Variants in ABCC1 observed in about 807,000 individuals in gnomAD.
The protein encoded by ABCC1 is multidrug resistance-associated protein 1.
In ABCC1, 83 loss-of-function variants were observed where a neutral mutation model predicts 172.9. The ratio of observed to expected loss-of-function variants is 0.48; its 90% CI spans 0.40 to 0.58. ABCC1 has a LOEUF of 0.58. Among genes scored for constraint, ABCC1 ranks in the 20% least tolerant of loss-of-function variants. The probability of loss-of-function intolerance (pLI) is 0.00; values close to 1 mark genes in which losing one functional copy is unlikely to be tolerated. For synonymous variants in ABCC1, 937 were observed against 825.2 expected (o/e 1.14, Z -2.32); for missense variants, 1,817 against 2,002.7 (o/e 0.91, Z 1.77).
intron 1 of ABCC1, among the ~76,000 whole-genome samples, chr16:15,986,145 G>A (rs890486681): frequency 4.6e-5 from 7 of 150,750 alleles, no homozygotes; most frequent in Non-Finnish European, 8.9e-5. Flanking sequence ...ATGTTGGACA[G>A]GCTGGTCTTG....
intron 22 of ABCC1, among the ~76,000 whole-genome samples, chr16:16,114,080 C>A (rs922804405): frequency 6.6e-6 from 1 of 152,152 alleles, no homozygotes; most frequent in African/African-American, 2.4e-5. Context: ...TTGGGGACCC[C>A]TGGTCTAGAA....
chr16:15,989,779 C>T (rs1050966197), intron 1 of ABCC1, among the ~76,000 whole-genome samples: 2 of 152,148 alleles, frequency 1.3e-5, no homozygotes, highest in African/African-American at 4.8e-5. Flanking sequence ...CAGTACCTTC[C>T]TCATAGACTG....
intron 10 of ABCC1, among the ~76,000 whole-genome samples, chr16:16,050,693 G>T (rs955835419): frequency 7.8e-6 from 1 of 128,246 alleles, no homozygotes; most frequent in Admixed American, 9.9e-5. Flanking sequence ...AGGAGTTTGA[G>T]ACCAGCCTGG....
intron 5 of ABCC1, among the ~76,000 whole-genome samples, chr16:16,023,362 T>C (rs1290048014): frequency 1.3e-5 from 2 of 152,324 alleles, no homozygotes; most frequent in African/African-American, 2.4e-5. Context: ...TGATCTCAAG[T>C]TAGCATTTGA....
At chr16:16,074,733 C>G (rs1372944017) in intron 14 of ABCC1, among the ~76,000 whole-genome samples, 1 of 152,178 alleles carries the variant, frequency 6.6e-6, no homozygotes, top group Non-Finnish European at 1.5e-5. Context: ...CTCCCAGTTT[C>G]CTCATTCCAC....
intron 23 of ABCC1, 57 bp downstream of exon 23, chr16:16,115,133 G>T (rs995053815): frequency 4.9e-5 from 75 of 1,535,370 alleles, no homozygotes; most frequent in Middle Eastern, 1.7e-4. Context: ...ATATACCAGT[G>T]TTACCTAAAG....
intron 12 of ABCC1, among the ~76,000 whole-genome samples, chr16:16,067,376 G>A (rs2050151164): frequency 6.6e-6 from 1 of 152,184 alleles, no homozygotes; most frequent in Admixed American, 6.5e-5. Context: ...GCTCTCGCTT[G>A]TGTGACCACG....
At chr16:15,949,317 C>A (rs504348), upstream of ABCC1, among the ~76,000 whole-genome samples, 1 of 151,728 alleles carries the variant, frequency 6.6e-6, no homozygotes, top group African/African-American at 2.4e-5. Flanking sequence ...CCTTAAACAG[C>A]ATTTGAAAAG....
intron 25 of ABCC1, among the ~76,000 whole-genome samples, chr16:16,125,161 G>A (rs2045374876): frequency 6.6e-6 from 1 of 152,176 alleles, no homozygotes; most frequent in South Asian, 2.1e-4. Flanking sequence ...ATACTTCCAG[G>A]TACGAGGGGA....
At chr16:16,057,504 G>A in intron 12 of ABCC1, among the ~76,000 whole-genome samples, 1 of 151,080 alleles carries the variant, frequency 6.6e-6, no homozygotes, top group East Asian at 1.9e-4. Flanking sequence ...ACAGTGCATA[G>A]CAGGTGCTGA....
intron 7 of ABCC1, among the ~76,000 whole-genome samples, 158 bp from the exon 8 acceptor site, chr16:16,044,292 C>A (rs1340405859): frequency 6.6e-6 from 1 of 151,728 alleles, no homozygotes; most frequent in Non-Finnish European, 1.5e-5. Flanking sequence ...GGCTCTGGAG[C>A]CCGTGTTTGT....
intron 1 of ABCC1, among the ~76,000 whole-genome samples, chr16:15,999,027 G>A (rs1597091294): frequency 6.6e-6 from 1 of 152,030 alleles, no homozygotes; most frequent in Admixed American, 6.6e-5. Context: ...TTGAGACGGA[G>A]TCTCGCTCTG....
At chr16:16,126,972 G>C (rs2045467726) in intron 26 of ABCC1, among the ~76,000 whole-genome samples, 1 of 152,152 alleles carries the variant, frequency 6.6e-6, no homozygotes. Flanking sequence ...GGTCCCACGT[G>C]GCTTGGTAGA....
At chr16:16,064,320 C>T (rs2050032011) in intron 12 of ABCC1, among the ~76,000 whole-genome samples, 1 of 152,184 alleles carries the variant, frequency 6.6e-6, no homozygotes, top group East Asian at 1.9e-4. Flanking sequence ...CTACCAGCCT[C>T]TTCGGATTTC....
At chr16:16,117,088 C>A (rs2044915702) in intron 23 of ABCC1, among the ~76,000 whole-genome samples, 1 of 152,116 alleles carries the variant, frequency 6.6e-6, no homozygotes, top group South Asian at 2.1e-4. Flanking sequence ...ATTTTTGGAC[C>A]ACAGTTGACC....
In ABCC1 at chr16:16,048,738, G is replaced by A. The variant is rs753551307; in HGVS notation, c.1380+435G>A. ...GCAGAGGCTCACGCCTGTAATCCCA[G>A]CACTTTGGGAGGCCGAGGCGGGCAG... On this transcript the variant is annotated intron_variant, in intron 10 of 30. Coordinates refer to ENST00000399410, the MANE Select transcript of ABCC1 (RefSeq NM_004996.4). Among the ~76,000 whole-genome samples the A allele has an allele frequency of 7.2e-5, 11 of 152,194 alleles. No individual in the cohort carries two copies. In the South Asian group the frequency reaches 2.1e-3, roughly 29 times the overall value.
rs71137915 is a variant in ABCC1, at chr16:16,132,510, G to GTTTTT, written c.3966+600_3966+604dup. ...TTCTTTTTTTGTTTTTTGGTTGGTT[G>GTTTTT]TTTTTTTTTTTTTTTTTTTTTTTTT... On this transcript the variant is annotated intron_variant, in intron 27 of 30. Coordinates refer to ENST00000399410, the MANE Select transcript of ABCC1 (RefSeq NM_004996.4). 5.9e-3 allele frequency among the ~76,000 whole-genome samples: 220 copies of GTTTTT among 37,236 alleles called. 18 individuals carry two copies. Among genetic ancestry groups the GTTTTT allele is most frequent in the Middle Eastern group, 0.022 (1 of 46 alleles). The allele number at this position is 37,236 out of a possible 152,430, so 24.4% of individuals were successfully genotyped here.
intron 14 of ABCC1, among the ~76,000 whole-genome samples, chr16:16,073,097 C>T (rs2050417200): frequency 1.3e-5 from 2 of 151,632 alleles, no homozygotes; most frequent in East Asian, 1.9e-4. Context: ...TGCAGTGACA[C>T]GTTCACTTAT....
rs769220253 is a variant in ABCC1 at position 16,131,813 on chromosome 16, G to T, written c.3844G>T (p.Ala1282Ser). ...GGCGCCCTGGCAAATCCAGGAGACA[G>T]CTCCGCCCAGCAGCTGGCCCCAGGT... ...KEAPWQIQETAPPSSWPQVGR... is the reference protein window; with the variant it reads ...KEAPWQIQETSPPSSWPQVGR... The change falls in exon 27 of 31, where the codon GCT becomes TCT. Residue 1282 changes from alanine to serine, a missense_variant. Ala to Ser is a moderately conservative substitution (Grantham distance 99). Coordinates refer to ENST00000399410, the MANE Select transcript of ABCC1 (RefSeq NM_004996.4). The T allele has an allele frequency of 6.2e-7, 1 of 1,614,062 alleles. No individual in the cohort carries two copies. Among genetic ancestry groups the T allele is most frequent in the South Asian group, 1.1e-5 (1 of 91,080 alleles).
Sources: gnomAD v4.1 joint callset for allele counts (sites outside exome capture counted in the v4.1 genomes callset) on GRCh38, gnomAD v4.1.1 for gene constraint, MANE v1.5 for transcripts, NCBI Gene and HGNC (gene_info 2026-07-23, HGNC 2026-07-21) for gene names.